The following CD36 variants were observed in gnomAD, a reference collection of about 807,000 sequenced individuals.
CD36 encodes the protein CD36 molecule (CD36 blood group).
A neutral mutation model predicts 55.2 loss-of-function variants in CD36; 119 were observed. The ratio of observed to expected loss-of-function variants is 2.15; its 90% CI spans 1.86 to 2.51. CD36 has a LOEUF of 2.51. CD36 is among the 30% of genes most tolerant of loss of function. The probability of loss-of-function intolerance (pLI) is 0.00; values close to 1 mark genes in which losing one functional copy is unlikely to be tolerated. For missense variants in CD36, 819 were observed against 555.5 expected, an observed-to-expected ratio of 1.47 and a Z score of -4.77; for synonymous variants, 186 against 193.6, an observed-to-expected ratio of 0.96 and a Z score of 0.33.
intron 4 of CD36, among the ~76,000 whole-genome samples, chr7:80,657,363 C>A (rs1477436998): frequency 6.6e-6 from 1 of 152,188 alleles, no homozygotes; most frequent in Admixed American, 6.5e-5. Flanking sequence ...ACTTCTGGGT[C>A]ATATAGATGT....
At chr7:80,614,831 C>T (rs926917517) in intron 1 of CD36, among the ~76,000 whole-genome samples, 11 of 152,098 alleles carry the variant, frequency 7.2e-5, no homozygotes, top group Admixed American at 6.6e-5. Flanking sequence ...CTGTATTTGT[C>T]GCTTCAACGA....
At chr7:80,609,302 T>C (rs1425064396) in intron 1 of CD36, among the ~76,000 whole-genome samples, 2 of 152,196 alleles carry the variant, frequency 1.3e-5, no homozygotes, top group Non-Finnish European at 2.9e-5. Context: ...TTATTTTGTA[T>C]GTTTCTTTAT....
intron 1 of CD36, among the ~76,000 whole-genome samples, chr7:80,604,850 A>T (rs966784821): frequency 6.6e-6 from 1 of 152,138 alleles, no homozygotes; most frequent in Non-Finnish European, 1.5e-5. Flanking sequence ...AAATTAAAAA[A>T]ATATATATTA....
At position 80,674,033 on chromosome 7, in the gene CD36, T is replaced by TG; in HGVS notation, c.1307dup (p.Ile438AsnfsTer116). 6.2e-7 allele frequency: 1 copy of TG among 1,612,360 alleles called. No homozygotes were observed. The highest frequency in any genetic ancestry group is 1.3e-5 in the African/African-American group (1 of 74,994). ...CAAACATGTTCAGAAGTCAAGTAAC[T>TG]GGAAAAATAAACCTCCTTGGCCTGA... On this transcript the variant is annotated frameshift_variant, in exon 14 of 15. Coordinates refer to ENST00000447544, the MANE Select transcript of CD36 (RefSeq NM_001001548.3). LOFTEE classifies it high-confidence loss of function.
intron 10 of CD36, among the ~76,000 whole-genome samples, 159 bp downstream of exon 10, chr7:80,671,323 A>G (rs936094174): frequency 1.3e-5 from 2 of 152,126 alleles, no homozygotes; most frequent in African/African-American, 4.8e-5. Context: ...TTAGCAACCA[A>G]AATTTAAAAT....
chr7:80,665,143 A>G (rs1439580398), intron 7 of CD36, among the ~76,000 whole-genome samples: 1 of 152,066 alleles, frequency 6.6e-6, no homozygotes, highest in Admixed American at 6.5e-5. Context: ...GAAAATGAAG[A>G]CTTTGCCAAC....
intron 8 of CD36, 29 bp downstream of exon 8, chr7:80,666,518 A>C: frequency 2.6e-6 from 4 of 1,553,660 alleles, no homozygotes; most frequent in Non-Finnish European, 3.6e-6. Flanking sequence ...TGGTCATCAC[A>C]GTTAATCCAC....
chr7:80,654,523 C>G (rs1364471280), intron 3 of CD36, among the ~76,000 whole-genome samples: 1 of 152,112 alleles, frequency 6.6e-6, no homozygotes, highest in African/African-American at 2.4e-5. Flanking sequence ...TTCTATTTAG[C>G]TTTGAGCTTC....
At chr7:80,650,917 T>C (rs1348981240) in intron 3 of CD36, among the ~76,000 whole-genome samples, 2 of 126,026 alleles carry the variant, frequency 1.6e-5, no homozygotes, top group East Asian at 2.2e-4. Context: ...AGCAAGTTTA[T>C]GCAGTCTTTC....
intron 1 of CD36, among the ~76,000 whole-genome samples, chr7:80,613,752 C>T (rs1320125253): frequency 6.6e-6 from 1 of 151,948 alleles, no homozygotes; most frequent in Non-Finnish European, 1.5e-5. Flanking sequence ...TTGAATAGTT[C>T]AAAAGTCAAA....
At chr7:80,608,458 A>T (rs1378636084) in intron 1 of CD36, among the ~76,000 whole-genome samples, 1 of 152,182 alleles carries the variant, frequency 6.6e-6, no homozygotes, top group Non-Finnish European at 1.5e-5. Flanking sequence ...GATAATAAAC[A>T]TGCCTACCTC....
chr7:80,632,470 C>T (rs2116123641), intron 1 of CD36, among the ~76,000 whole-genome samples: 1 of 152,038 alleles, frequency 6.6e-6, no homozygotes, highest in Non-Finnish European at 1.5e-5. Context: ...GAAGCTAATG[C>T]CCAAGTGTTC....
chr7:80,627,419 C>A (rs1584310277), intron 1 of CD36, among the ~76,000 whole-genome samples: 2 of 151,676 alleles, frequency 1.3e-5, no homozygotes, highest in Admixed American at 6.6e-5. Context: ...TTGCTTAAGC[C>A]TCCAATTAGT....
chr7:80,622,438 A>T (rs2115917603), intron 1 of CD36, among the ~76,000 whole-genome samples: 1 of 152,374 alleles, frequency 6.6e-6, no homozygotes, highest in South Asian at 2.1e-4. Context: ...ACCAAAAATC[A>T]AAGCAATACT....
At chr7:80,658,383 C>A (rs920418405) in intron 4 of CD36, among the ~76,000 whole-genome samples, 1 of 151,726 alleles carries the variant, frequency 6.6e-6, no homozygotes, top group African/African-American at 2.4e-5. Flanking sequence ...AGAAATAGAA[C>A]CTAAGTGAAC....
chr7:80,658,593 A>T (rs1018270048), intron 4 of CD36, among the ~76,000 whole-genome samples: 1 of 152,262 alleles, frequency 6.6e-6, no homozygotes, highest in East Asian at 1.9e-4. Flanking sequence ...CCTAGGCTCA[A>T]GTGATCCTCC....
intron 4 of CD36, among the ~76,000 whole-genome samples, chr7:80,658,097 G>GGT (rs1796233873): frequency 6.6e-6 from 1 of 152,118 alleles, no homozygotes; most frequent in Non-Finnish European, 1.5e-5. Context: ...ACCCGAATCG[G>GGT]GTGTCTCTGT....
intron 1 of CD36, among the ~76,000 whole-genome samples, chr7:80,612,359 C>A (rs1483567845): frequency 6.6e-6 from 1 of 152,108 alleles, no homozygotes; most frequent in East Asian, 1.9e-4. Flanking sequence ...TTATTCTTTT[C>A]TTTGCACATA....
intron 4 of CD36, among the ~76,000 whole-genome samples, chr7:80,659,728 T>C (rs181812039): frequency 6.6e-6 from 1 of 152,284 alleles, no homozygotes; most frequent in East Asian, 1.9e-4. Context: ...TGTTTTAATA[T>C]ATGGGCATAT....
Sources: allele counts gnomAD v4.1 joint callset (sites outside exome capture counted in the v4.1 genomes callset), GRCh38; gene constraint gnomAD v4.1.1; transcripts MANE v1.5; gene names NCBI Gene and HGNC (gene_info 2026-07-23, HGNC 2026-07-21).